SWAP70: variants seen among roughly 807,000 people sequenced by gnomAD.
SWAP70 encodes the protein switching B cell complex subunit SWAP70, also known as switch-associated protein 70.
Under a neutral mutation model 80.2 loss-of-function variants are expected in SWAP70, and 34 were observed. That is an observed-to-expected ratio of 0.42 (90% CI 0.32 to 0.56). SWAP70 has a LOEUF of 0.56. SWAP70 is among the 20% of genes least tolerant of loss of function. The pLI, the probability that SWAP70 is intolerant of heterozygous loss-of-function variation, is 0.09. For synonymous variants in SWAP70, 239 were observed against 238.5 expected (o/e 1.00, Z -0.02); for missense variants, 578 against 690.7 (o/e 0.84, Z 1.83).
rs112180606 is a variant in SWAP70, at chr11:9,687,198, A to G, written c.100-6948A>G. Among the ~76,000 whole-genome samples, 1,020 of 152,362 alleles carry G rather than the reference A, an allele frequency of 6.7e-3. 15 individuals are homozygous for G. The highest frequency in any genetic ancestry group is 0.023 in the African/African-American group (961 of 41,584). ...GGACAAGGTTCATACAGTATGTACA[A>G]TTTGGAACTGCTCAAATATAGTTTC... On this transcript the variant is annotated intron_variant, in intron 1 of 11. Coordinates refer to ENST00000318950, the MANE Select transcript of SWAP70 (RefSeq NM_015055.4).
intron 1 of SWAP70, chr11:9,681,251 C>T (rs1407912980): frequency 1.3e-5 from 2 of 152,076 alleles, no homozygotes; most frequent in African/African-American, 4.8e-5. Context: ...AGAGCAAGAG[C>T]CTCAACTTGG....
At chr11:9,714,021 C>T (rs1374913199) in intron 3 of SWAP70, among the ~76,000 whole-genome samples, 1 of 151,648 alleles carries the variant, frequency 6.6e-6, no homozygotes, top group Non-Finnish European at 1.5e-5. Context: ...GTTTTCAGGG[C>T]TGTTTTGTGT....
chr11:9,691,159 C>T (rs550599235), intron 1 of SWAP70, among the ~76,000 whole-genome samples: 4 of 152,280 alleles, frequency 2.6e-5, no homozygotes, highest in Admixed American at 2.6e-4. Flanking sequence ...CTCTAGCTAT[C>T]CTCTTGTTTC....
At chr11:9,691,650 A>G (rs1394408163) in intron 1 of SWAP70, among the ~76,000 whole-genome samples, 1 of 152,216 alleles carries the variant, frequency 6.6e-6, no homozygotes, top group Non-Finnish European at 1.5e-5. Flanking sequence ...TTATTACTGG[A>G]GAGTGCTGGA....
At chr11:9,725,445 AG>A (rs1851197109) in intron 4 of SWAP70, among the ~76,000 whole-genome samples, 1 of 142,674 alleles carries the variant, frequency 7.0e-6, no homozygotes, top group Non-Finnish European at 1.5e-5. Flanking sequence ...GCACTTTGGG[AG>A]GCTGAGGCGG....
intron 1 of SWAP70, among the ~76,000 whole-genome samples, chr11:9,679,427 A>G (rs1850540345): frequency 1.3e-5 from 2 of 152,306 alleles, no homozygotes; most frequent in South Asian, 4.1e-4. Context: ...TTCAGTTCCT[A>G]GGGTGATGGA....
intron 2 of SWAP70, among the ~76,000 whole-genome samples, chr11:9,709,145 A>G (rs1399503412): frequency 6.6e-6 from 1 of 151,740 alleles, no homozygotes; most frequent in African/African-American, 2.4e-5. Context: ...TCCCCCTCAG[A>G]CAGAGTCTCA....
intron 6 of SWAP70, 40 bp from the exon 7 acceptor site, chr11:9,732,489 A>C: frequency 1.9e-6 from 3 of 1,555,006 alleles, no homozygotes; most frequent in Non-Finnish European, 2.6e-6. Context: ...AGAATAAATA[A>C]TATCTCCCCA....
intron 1 of SWAP70, among the ~76,000 whole-genome samples, chr11:9,692,010 G>A (rs1039423580): frequency 4.6e-5 from 7 of 152,020 alleles, no homozygotes; most frequent in Non-Finnish European, 1.0e-4. Context: ...TACTTCCTCT[G>A]TGAAGTCACT....
intron 3 of SWAP70, among the ~76,000 whole-genome samples, chr11:9,723,401 T>TA (rs924924952): frequency 2.0e-5 from 3 of 151,128 alleles, no homozygotes; most frequent in African/African-American, 4.9e-5. Context: ...TTCATTCCAT[T>TA]AAAAAAAAAT....
At chr11:9,687,099 G>A (rs547660399) in intron 1 of SWAP70, among the ~76,000 whole-genome samples, 1 of 152,284 alleles carries the variant, frequency 6.6e-6, no homozygotes, top group South Asian at 2.1e-4. Flanking sequence ...TGAAGTAAAA[G>A]GTGAGGTTTA....
intron 1 of SWAP70, among the ~76,000 whole-genome samples, chr11:9,679,085 A>G (rs1376353265): frequency 6.6e-6 from 1 of 152,210 alleles, no homozygotes; most frequent in Admixed American, 6.6e-5. Flanking sequence ...TTAAATGGAA[A>G]TCTGTGTGTA....
intron 1 of SWAP70, among the ~76,000 whole-genome samples, chr11:9,685,994 G>A (rs184686648): frequency 1.9e-3 from 286 of 151,886 alleles, no homozygotes; most frequent in African/African-American, 6.6e-3. Context: ...GAATTTTGGG[G>A]GACACATTCA....
chr11:9,711,058 TA>T (rs1181886236), intron 2 of SWAP70, among the ~76,000 whole-genome samples: 1 of 151,562 alleles, frequency 6.6e-6, no homozygotes, highest in African/African-American at 2.4e-5. Context: ...ATGTATTTTT[TA>T]TTTTTATTTT....
intron 9 of SWAP70, chr11:9,741,301 T>G (rs1236392957): frequency 2.0e-5 from 3 of 152,178 alleles, no homozygotes; most frequent in Admixed American, 1.3e-4. Context: ...GATTTTAAAT[T>G]TAAATTTTTT....
At chr11:9,745,853 A>T (rs1851505057) in intron 9 of SWAP70, among the ~76,000 whole-genome samples, 1 of 152,220 alleles carries the variant, frequency 6.6e-6, no homozygotes, top group Non-Finnish European at 1.5e-5. Flanking sequence ...TAGCTAAAGC[A>T]ATAAAACAAT....
intron 2 of SWAP70, among the ~76,000 whole-genome samples, chr11:9,707,552 C>CTTTTTTTTTTTT (rs200003596): frequency 7.6e-6 from 1 of 132,300 alleles, no homozygotes. Context: ...TTTTCTTTTT[C>CTTTTTTTTTTTT]TTTTCTTTTT....
intron 1 of SWAP70, among the ~76,000 whole-genome samples, chr11:9,693,766 G>A (rs1039451035): frequency 1.3e-5 from 2 of 152,052 alleles, no homozygotes; most frequent in Admixed American, 1.3e-4. Flanking sequence ...AGCTCTAATT[G>A]GCTGACTCTG....
intron 2 of SWAP70, among the ~76,000 whole-genome samples, chr11:9,695,055 G>A (rs1023605321): frequency 4.6e-5 from 7 of 152,152 alleles, no homozygotes; most frequent in African/African-American, 9.7e-5. Context: ...TTGGGAGGCC[G>A]AGGCGGGCAG....
Sources: gnomAD v4.1 joint callset for allele counts (sites outside exome capture counted in the v4.1 genomes callset) on GRCh38, gnomAD v4.1.1 for gene constraint, MANE v1.5 for transcripts, NCBI Gene and HGNC (gene_info 2026-07-23, HGNC 2026-07-21) for gene names.